The following ADAM22 variants were observed in gnomAD, a reference collection of about 807,000 sequenced individuals.
ADAM22 encodes the protein disintegrin and metalloproteinase domain-containing protein 22.
ADAM22 carries 65 observed loss-of-function variants against 144.6 expected under a neutral mutation model. The ratio of observed to expected loss-of-function variants is 0.45; its 90% CI spans 0.37 to 0.55. The LOEUF is 0.55. Among genes scored for constraint, ADAM22 ranks in the 20% least tolerant of loss-of-function variants. The pLI, the probability that ADAM22 is intolerant of heterozygous loss-of-function variation, is 0.00. For missense variants in ADAM22, 974 were observed against 1,184.9 expected, an observed-to-expected ratio of 0.82 and a Z score of 2.61; for synonymous variants, 391 against 412.6, an observed-to-expected ratio of 0.95 and a Z score of 0.63.
intron 30 of ADAM22, among the ~76,000 whole-genome samples, chr7:88,189,708 G>A (rs961138633): frequency 1.8e-4 from 27 of 152,150 alleles, no homozygotes; most frequent in African/African-American, 6.3e-4. Context: ...CACTTTGGGA[G>A]GCCAAGGTGG....
rs376134630 is a variant in ADAM22 at position 88,062,349 on chromosome 7, A to G, written c.324-13277A>G. Among the ~76,000 whole-genome samples, 4 of 152,278 alleles carry G rather than the reference A, an allele frequency of 2.6e-5. No homozygotes were observed. In the South Asian group the frequency reaches 8.3e-4, roughly 32 times the overall value. On this transcript the variant is annotated intron_variant, in intron 3 of 31. Coordinates refer to ENST00000413139, the MANE Select transcript of ADAM22 (RefSeq NM_001324418.2). ...ACTTGCTGCTTTACCTTGTAATTTTATATTGTGGAGACTGCTTCCTTCTTT... is the reference window on the plus strand; with the variant it reads ...ACTTGCTGCTTTACCTTGTAATTTTGTATTGTGGAGACTGCTTCCTTCTTT...
At chr7:87,990,154 A>G (rs1447834442) in intron 3 of ADAM22, among the ~76,000 whole-genome samples, 3 of 152,118 alleles carry the variant, frequency 2.0e-5, no homozygotes, top group Non-Finnish European at 4.4e-5. Context: ...CAAAAAGATA[A>G]AGACCCTATC....
At chr7:88,133,205 A>G (rs1234794641) in intron 12 of ADAM22, among the ~76,000 whole-genome samples, 1 of 151,898 alleles carries the variant, frequency 6.6e-6, no homozygotes, top group Non-Finnish European at 1.5e-5. Flanking sequence ...TTTATCAAAA[A>G]TACAAAAATA....
chr7:88,180,317 T>C (rs915856977), intron 27 of ADAM22, among the ~76,000 whole-genome samples: 16 of 152,092 alleles, frequency 1.1e-4, no homozygotes, highest in African/African-American at 3.6e-4. Flanking sequence ...AAATATTTTC[T>C]TGATAGAATA....
chr7:88,051,568 G>A (rs566589262), intron 3 of ADAM22, among the ~76,000 whole-genome samples: 1 of 152,030 alleles, frequency 6.6e-6, no homozygotes, highest in Non-Finnish European at 1.5e-5. Context: ...GGGGGAGGAG[G>A]GAGGGATAGC....
At chr7:87,961,853 TGAGGA>T (rs1434677661) in intron 2 of ADAM22, among the ~76,000 whole-genome samples, 1 of 152,200 alleles carries the variant, frequency 6.6e-6, no homozygotes, top group African/African-American at 2.4e-5. Flanking sequence ...AAATGGGGGT[TGAGGA>T]ACTGTCTCAA....
chr7:88,113,411 A>G (rs1053296769), intron 5 of ADAM22, among the ~76,000 whole-genome samples: 3 of 150,774 alleles, frequency 2.0e-5, no homozygotes, highest in African/African-American at 7.3e-5. Context: ...CCCTGCTTCT[A>G]TCCTTGCTGT....
intron 26 of ADAM22, 78 bp from the exon 27 acceptor site, chr7:88,178,857 C>A: frequency 2.4e-6 from 2 of 841,018 alleles, no homozygotes; most frequent in Non-Finnish European, 3.6e-6. Flanking sequence ...TCTCTTTTTT[C>A]CTGAAATAAT....
At chr7:88,089,262 A>G (rs184712494) in intron 4 of ADAM22, among the ~76,000 whole-genome samples, 2 of 152,236 alleles carry the variant, frequency 1.3e-5, no homozygotes, top group East Asian at 1.9e-4. Context: ...AATTAAATAT[A>G]TATATAAAAA....
At chr7:88,130,581 G>T in intron 10 of ADAM22, 122 bp downstream of exon 10, 2 of 900,494 alleles carry the variant, frequency 2.2e-6, no homozygotes, top group South Asian at 4.0e-5. Context: ...AAGGTGTCTA[G>T]TAAGTTCCGG....
rs192364570 is a variant in ADAM22, at chr7:88,098,904, A to G, written c.391-9272A>G. Among the ~76,000 whole-genome samples the G allele has an allele frequency of 4.6e-5, 7 of 152,298 alleles. No homozygotes were observed. The East Asian group carries it at 1.3e-3, about 29-fold the overall frequency. ...TTTTTGATTGATACTACAAGATCCT[A>G]GTGCTCACCAATGAATGTTGAAATA... On this transcript the variant is annotated intron_variant, in intron 4 of 31. Transcript: ENST00000413139.
intron 3 of ADAM22, among the ~76,000 whole-genome samples, chr7:88,021,263 T>G (rs905103696): frequency 1.3e-5 from 2 of 152,198 alleles, no homozygotes; most frequent in South Asian, 4.1e-4. Context: ...CACCTAGTTC[T>G]CCTCTGCAAA....
At chr7:88,095,192 G>A (rs1820924639) in intron 4 of ADAM22, among the ~76,000 whole-genome samples, 1 of 152,134 alleles carries the variant, frequency 6.6e-6, no homozygotes, top group Non-Finnish European at 1.5e-5. Flanking sequence ...ATCACCAGCG[G>A]CAGTTCTTTA....
At position 88,084,094 on chromosome 7, in the gene ADAM22, C is replaced by T. The variant is rs1817747686; in HGVS notation, c.390+8402C>T. ...ACTATCTATTTCTATCTGTGTCTGT[C>T]AGTGGAATGATGAAATGCAAATAGG... On this transcript the variant is annotated intron_variant, in intron 4 of 31. Transcript: ENST00000413139. Among the ~76,000 whole-genome samples the T allele has an allele frequency of 2.0e-5, 3 of 152,134 alleles. No individual in the cohort carries two copies. The South Asian group carries it at 6.2e-4, about 31-fold the overall frequency.
intron 3 of ADAM22, among the ~76,000 whole-genome samples, chr7:88,062,881 A>G (rs1044119528): frequency 2.6e-5 from 4 of 152,192 alleles, no homozygotes; most frequent in Admixed American, 2.6e-4. Context: ...GGGAATGGCC[A>G]ATCAGTTGAG....
At chr7:88,093,239 A>T (rs1231531312) in intron 4 of ADAM22, among the ~76,000 whole-genome samples, 2 of 152,070 alleles carry the variant, frequency 1.3e-5, no homozygotes, top group African/African-American at 2.4e-5. Context: ...ATAATTGAAC[A>T]GAAAGTAGTA....
chr7:87,983,910 A>G (rs977878447), intron 3 of ADAM22, among the ~76,000 whole-genome samples: 14 of 150,840 alleles, frequency 9.3e-5, no homozygotes, highest in Admixed American at 6.6e-5. Context: ...GGTGACACCA[A>G]CCCTCCACAA....
intron 7 of ADAM22, among the ~76,000 whole-genome samples, chr7:88,120,793 T>G (rs577610923): frequency 7.9e-5 from 12 of 152,170 alleles, no homozygotes; most frequent in Admixed American, 1.3e-4. Context: ...TAACATTAGT[T>G]TTTATCGTTA....
chr7:88,163,079 C>T lies in ADAM22; in HGVS notation c.1975C>T (p.Pro659Ser), dbSNP rs1186733330. The T allele has an allele frequency of 5.0e-6, 8 of 1,611,714 alleles. No homozygotes were observed. The highest frequency in any genetic ancestry group is 1.3e-5 in the African/African-American group (1 of 74,680). The change falls in exon 23 of 32, where the codon CCC (proline) becomes TCC (serine). Residue 659 changes from proline (P) to serine (S), a missense_variant. This residue lies in a region of ADAM22 where 734 missense variants were observed against 950.6 expected (regional missense o/e 0.77). Transcript: ENST00000413139. ...TGTGGAAGATGGGACACCTTGTGGT[C>T]CCCAAATGATGTGCTTAGAACACAG... ...GYVEDGTPCG[P>S]QMMCLEHRCL...
Sources: allele counts gnomAD v4.1 joint callset (sites outside exome capture counted in the v4.1 genomes callset), GRCh38; gene constraint gnomAD v4.1.1; regional missense constraint gnomAD v4.1.1; transcripts MANE v1.5; gene names NCBI Gene and HGNC (gene_info 2026-07-23, HGNC 2026-07-21).